The following SLC17A1 variants were observed in gnomAD, a reference collection of about 807,000 sequenced individuals.
SLC17A1 encodes the protein solute carrier family 17 member 1.
In SLC17A1, 51 loss-of-function variants were observed where a neutral mutation model predicts 53.5. The observed-to-expected ratio is 0.95, with a 90% confidence interval of 0.76 to 1.20. The LOEUF (loss-of-function observed/expected upper bound fraction) is 1.20, where lower values mean the gene tolerates loss of function less well. Among genes scored for constraint, SLC17A1 ranks in the 50% most tolerant of loss-of-function variants. The pLI, the probability that SLC17A1 is intolerant of heterozygous loss-of-function variation, is 0.00. For synonymous variants in SLC17A1, 179 were observed against 198.8 expected (o/e 0.90, Z 0.84); for missense variants, 538 against 568.2 (o/e 0.95, Z 0.54).
chr6:25,799,168 A>G (rs1763677816), intron 11 of SLC17A1, among the ~76,000 whole-genome samples: 1 of 152,080 alleles, frequency 6.6e-6, no homozygotes, highest in Non-Finnish European at 1.5e-5. Context: ...TATAGTTCAT[A>G]ATTAACTGAT....
the SLC17A1 span, chr6:25,773,618 A>G: frequency 6.2e-7 from 1 of 1,613,968 alleles, no homozygotes; most frequent in Non-Finnish European, 8.5e-7. Context: ...TTTTTATACC[A>G]TTATGGCGTA....
At chr6:25,831,068 G>C (rs1764928949) in intron 1 of SLC17A1, among the ~76,000 whole-genome samples, 1 of 152,170 alleles carries the variant, frequency 6.6e-6, no homozygotes, top group Non-Finnish European at 1.5e-5. Flanking sequence ...TATCTTAATA[G>C]AGCTGGAAGA....
At chr6:25,734,294 T>C in the SLC17A1 span, among the ~76,000 whole-genome samples, 1 of 152,320 alleles carries the variant, frequency 6.6e-6, no homozygotes, top group Non-Finnish European at 1.5e-5. Flanking sequence ...AAACAACCTA[T>C]GTTAACATAT....
At chr6:25,820,376 A>G (rs1008191342) in intron 3 of SLC17A1, among the ~76,000 whole-genome samples, 3 of 152,176 alleles carry the variant, frequency 2.0e-5, no homozygotes, top group Non-Finnish European at 4.4e-5. Context: ...CCATATACAT[A>G]TTGCTCCCAG....
intron 2 of SLC17A1, among the ~76,000 whole-genome samples, chr6:25,827,679 A>G (rs113427505): frequency 6.6e-6 from 1 of 152,298 alleles, no homozygotes; most frequent in African/African-American, 2.4e-5. Context: ...CTAACTGCAT[A>G]ATTTCGCTAT....
the SLC17A1 span, among the ~76,000 whole-genome samples, chr6:25,748,022 A>G: frequency 6.6e-6 from 1 of 152,232 alleles, no homozygotes; most frequent in African/African-American, 2.4e-5. Context: ...ATATGTGTAT[A>G]TTTGTTACTT....
the SLC17A1 span, among the ~76,000 whole-genome samples, chr6:25,751,803 T>C: frequency 3.0e-3 from 452 of 152,024 alleles, 4 homozygotes; most frequent in African/African-American, 0.01. Flanking sequence ...CTCAGGTACT[T>C]GCCATACCTC....
the SLC17A1 span, among the ~76,000 whole-genome samples, chr6:25,740,770 CAACTT>C: frequency 6.6e-6 from 1 of 152,186 alleles, no homozygotes; most frequent in African/African-American, 2.4e-5. Context: ...GAAATGGAAT[CAACTT>C]AAGTGTCCAT....
chr6:25,732,603 T>C, the SLC17A1 span: 3 of 1,001,662 alleles, frequency 3.0e-6, no homozygotes, highest in Non-Finnish European at 4.5e-6. Flanking sequence ...GGTTCTGGAG[T>C]ACCTGGCCTC....
the SLC17A1 span, among the ~76,000 whole-genome samples, chr6:25,743,387 C>T: frequency 6.6e-6 from 1 of 152,110 alleles, no homozygotes; most frequent in Non-Finnish European, 1.5e-5. Context: ...TCTGATGATA[C>T]ATTCTTTATG....
At chr6:25,726,750 A>G in the SLC17A1 span, 2 of 1,117,068 alleles carry the variant, frequency 1.8e-6, no homozygotes, top group South Asian at 3.1e-5. Flanking sequence ...GTGCCTATAA[A>G]TACCGCATCT....
the SLC17A1 span, among the ~76,000 whole-genome samples, chr6:25,731,497 T>C: frequency 6.6e-6 from 1 of 152,224 alleles, no homozygotes; most frequent in Non-Finnish European, 1.5e-5. Flanking sequence ...CATGGCACTG[T>C]CCACAGAAAG....
chr6:25,794,422 T>G (rs572181044), intron 12 of SLC17A1, among the ~76,000 whole-genome samples: 1 of 152,326 alleles, frequency 6.6e-6, no homozygotes, highest in South Asian at 2.1e-4. Flanking sequence ...CTGCATTATA[T>G]TCTGAGTTGT....
intron 12 of SLC17A1, 83 bp downstream of exon 12, chr6:25,798,700 T>G: frequency 7.7e-7 from 1 of 1,301,236 alleles, no homozygotes; most frequent in Non-Finnish European, 1.0e-6. Flanking sequence ...CGTTATTCCT[T>G]CTCGTCTGAG....
At chr6:25,813,572 T>A (rs1376275302) in intron 6 of SLC17A1, among the ~76,000 whole-genome samples, 1 of 152,222 alleles carries the variant, frequency 6.6e-6, no homozygotes, top group Non-Finnish European at 1.5e-5. Context: ...TGTTTTGTTT[T>A]GTTTTGTTTT....
At chr6:25,795,778 C>T (rs999549103) in intron 12 of SLC17A1, among the ~76,000 whole-genome samples, 6 of 151,846 alleles carry the variant, frequency 4.0e-5, no homozygotes, top group Non-Finnish European at 1.5e-5. Flanking sequence ...TTAAGGTTGT[C>T]ATATCAATAT....
chr6:25,770,576 A>G, the SLC17A1 span: 3 of 1,058,354 alleles, frequency 2.8e-6, no homozygotes, highest in Non-Finnish European at 4.4e-6. Context: ...GTGTCTTCAT[A>G]GTCCTTTCCT....
At chr6:25,742,512 C>A in the SLC17A1 span, among the ~76,000 whole-genome samples, 159 of 126,994 alleles carry the variant, frequency 1.3e-3, no homozygotes, top group South Asian at 2.1e-3. Context: ...AAAAACAATA[C>A]AAAAAAAAAA....
chr6:25,776,926 G>A, the SLC17A1 span: 3 of 1,613,592 alleles, frequency 1.9e-6, no homozygotes, highest in East Asian at 4.5e-5. Flanking sequence ...TGTGAATCAG[G>A]AGCCCTTGTT....
Sources: gnomAD v4.1 joint callset for allele counts (sites outside exome capture counted in the v4.1 genomes callset) on GRCh38, gnomAD v4.1.1 for gene constraint, MANE v1.5 for transcripts, NCBI Gene and HGNC (gene_info 2026-07-23, HGNC 2026-07-21) for gene names.